Variants in TNKS observed in about 807,000 individuals in gnomAD.
The protein encoded by TNKS is tankyrase, also known as poly [ADP-ribose] polymerase tankyrase-1.
In TNKS, 72 loss-of-function variants were observed where a neutral mutation model predicts 135.8. That is an observed-to-expected ratio of 0.53 (90% CI 0.44 to 0.64). The LOEUF is 0.64. TNKS is among the 30% of genes least tolerant of loss of function. The pLI, the probability that TNKS is intolerant of heterozygous loss-of-function variation, is 0.00. For synonymous variants in TNKS, 849 were observed against 649.3 expected, an observed-to-expected ratio of 1.31 and a Z score of -4.68; for missense variants, 1,769 against 1,674.0, an observed-to-expected ratio of 1.06 and a Z score of -0.99.
At chr8:9,647,185 C>T (rs1249362360) in intron 3 of TNKS, among the ~76,000 whole-genome samples, 1 of 152,186 alleles carries the variant, frequency 6.6e-6, no homozygotes. Context: ...CACATGCAAG[C>T]ACACTTCTAC....
chr8:9,654,875 A>G (rs1385036895), intron 3 of TNKS, among the ~76,000 whole-genome samples: 2 of 152,170 alleles, frequency 1.3e-5, no homozygotes, highest in East Asian at 3.9e-4. Context: ...GATTCATCTC[A>G]CTGGGGAGTG....
In TNKS at chr8:9,765,751, G is replaced by A. The variant is rs774539747; in HGVS notation, c.3507G>A (p.Val1169=). 10 of 1,613,912 alleles carry A rather than the reference G, an allele frequency of 6.2e-6. No homozygotes were observed. Among genetic ancestry groups the A allele is most frequent in the Admixed American group, 5.0e-5 (3 of 59,992 alleles). ...GGTTCTGCCACCGACAGAAGGAAGT[G>A]TCTGAGGAGAATCACAACCATCACA... The part of the protein sequence containing the change: ...RERFCHRQKE[V]SEENHNHHNE... The change falls in exon 24 of 27, where the codon GTG becomes GTA. Residue 1169 remains valine, a synonymous_variant. Transcript: ENST00000310430.
chr8:9,731,351 T>C (rs1230575804), intron 14 of TNKS, among the ~76,000 whole-genome samples: 2 of 150,612 alleles, frequency 1.3e-5, no homozygotes, highest in Admixed American at 6.7e-5. Flanking sequence ...TCCCAGCTAC[T>C]TGGGAGGCTG....
intron 3 of TNKS, among the ~76,000 whole-genome samples, chr8:9,647,034 C>T (rs1163957124): frequency 6.6e-6 from 1 of 152,130 alleles, no homozygotes; most frequent in East Asian, 1.9e-4. Flanking sequence ...TTGCAAAACT[C>T]CATTTTCTAG....
chr8:9,653,799 C>G (rs780811402), intron 3 of TNKS, among the ~76,000 whole-genome samples: 2 of 152,160 alleles, frequency 1.3e-5, no homozygotes, highest in East Asian at 3.8e-4. Flanking sequence ...ATTCTCTGCC[C>G]TTTCTTTCTG....
At position 9,559,833 on chromosome 8, in the gene TNKS, C is replaced by G. The variant is rs183423037; in HGVS notation, c.673+3221C>G. The stretch of plus-strand genomic sequence containing the variant: ...AGTAAAATTAAGAATCCTTTGTATC[C>G]TATCTTGGATTGTGATAATTTGTTT... On this transcript the variant is annotated intron_variant, in intron 1 of 26. Transcript: ENST00000310430. Among the ~76,000 whole-genome samples the G allele has an allele frequency of 5.6e-3, 853 of 152,182 alleles. 37 individuals carry two copies. The highest frequency in any genetic ancestry group is 2.9e-3 in the South Asian group (14 of 4,824).
chr8:9,644,278 G>A (rs772625323), intron 3 of TNKS, among the ~76,000 whole-genome samples: 57 of 152,216 alleles, frequency 3.7e-4, no homozygotes, highest in Non-Finnish European at 7.1e-4. Context: ...GTGAGGCTCT[G>A]GTAGTGGCTG....
chr8:9,675,338 G>A (rs1802488850), intron 3 of TNKS, among the ~76,000 whole-genome samples: 1 of 152,154 alleles, frequency 6.6e-6, no homozygotes, highest in Non-Finnish European at 1.5e-5. Context: ...CTATATCAGT[G>A]TTATCAATTC....
At chr8:9,588,297 G>C (rs1798462460) in intron 2 of TNKS, among the ~76,000 whole-genome samples, 1 of 150,534 alleles carries the variant, frequency 6.6e-6, no homozygotes, top group Non-Finnish European at 1.5e-5. Context: ...TTTTTTTTGA[G>C]ACAGTCTTGC....
chr8:9,654,097 T>C (rs1801249922), intron 3 of TNKS, among the ~76,000 whole-genome samples: 1 of 152,200 alleles, frequency 6.6e-6, no homozygotes, highest in African/African-American at 2.4e-5. Context: ...CAGCCAAATA[T>C]CTATACCTGC....
chr8:9,739,118 AC>A (rs1805797413), intron 17 of TNKS, among the ~76,000 whole-genome samples: 1 of 140,366 alleles, frequency 7.1e-6, no homozygotes, highest in Non-Finnish European at 1.5e-5. Context: ...TGAACAGGCA[AC>A]CTACAACATG....
chr8:9,731,111 G>T (rs1472315445), intron 14 of TNKS, 76 bp downstream of exon 14: 1 of 1,387,286 alleles, frequency 7.2e-7, no homozygotes, highest in Admixed American at 2.9e-5. Context: ...TGAAGTCTTA[G>T]ATTTTTTCTG....
chr8:9,770,376 G>C (rs763319910), intron 26 of TNKS, 114 bp downstream of exon 26: 17 of 1,093,536 alleles, frequency 1.6e-5, no homozygotes, highest in Non-Finnish European at 2.2e-5. Context: ...CAGTGTGCTA[G>C]TATTAATTAC....
At chr8:9,692,745 A>G (rs1010055586) in intron 5 of TNKS, among the ~76,000 whole-genome samples, 1 of 152,220 alleles carries the variant, frequency 6.6e-6, no homozygotes, top group Non-Finnish European at 1.5e-5. Flanking sequence ...TCGTTAATCA[A>G]TATTTATTTT....
chr8:9,637,222 G>A (rs33972793), intron 3 of TNKS, among the ~76,000 whole-genome samples: 1 of 151,998 alleles, frequency 6.6e-6, no homozygotes, highest in Non-Finnish European at 1.5e-5. Context: ...TGCTTTTCAA[G>A]TGTAGACTGT....
In TNKS at chr8:9,642,578, T is replaced by C. The variant is rs1175821972; in HGVS notation, c.994+26901T>C. ...TTAGTTACATAATTTGTTAGACTTT[T>C]TCATAATGTTTTAAAGTAAATCTTT... On this transcript the variant is annotated intron_variant, in intron 3 of 26. Coordinates refer to ENST00000310430, the MANE Select transcript of TNKS (RefSeq NM_003747.3). Among the ~76,000 whole-genome samples the C allele has an allele frequency of 4.1e-5, 6 of 146,444 alleles. 2 individuals are homozygous for C. In the East Asian group the frequency reaches 1.3e-3, roughly 31 times the overall value.
intron 1 of TNKS, among the ~76,000 whole-genome samples, chr8:9,566,684 C>G (rs969421225): frequency 1.2e-4 from 18 of 146,006 alleles, no homozygotes; most frequent in African/African-American, 4.3e-4. Flanking sequence ...TCTCGGCTCA[C>G]TGCAAGCTCC....
intron 14 of TNKS, among the ~76,000 whole-genome samples, chr8:9,732,380 G>T (rs369936990): frequency 1.8e-4 from 28 of 152,208 alleles, no homozygotes; most frequent in African/African-American, 6.7e-4. Context: ...TAAGCCAGTA[G>T]CTTTCTGTGT....
At chr8:9,616,359 TG>T (rs1408239588) in intron 3 of TNKS, among the ~76,000 whole-genome samples, 1 of 152,214 alleles carries the variant, frequency 6.6e-6, no homozygotes, top group Admixed American at 6.5e-5. Flanking sequence ...CTCAAAATGC[TG>T]CATTGGATCT....
Sources: gnomAD v4.1 joint callset for allele counts (sites outside exome capture counted in the v4.1 genomes callset) on GRCh38, gnomAD v4.1.1 for gene constraint, MANE v1.5 for transcripts, NCBI Gene and HGNC (gene_info 2026-07-23, HGNC 2026-07-21) for gene names.